The following WHRN variants were observed in gnomAD, a reference collection of about 807,000 sequenced individuals.
The protein encoded by WHRN is CASK-interacting protein CIP98.
In WHRN, 41 loss-of-function variants were observed where a neutral mutation model predicts 68.3. The observed-to-expected ratio is 0.60, with a 90% confidence interval of 0.47 to 0.78. The LOEUF (loss-of-function observed/expected upper bound fraction) is 0.78. Ranked by LOEUF, WHRN falls within the 30% of genes least tolerant of loss-of-function variation. The pLI is 0.00. For synonymous variants in WHRN, 560 were observed against 561.3 expected (o/e 1.00, Z 0.03); for missense variants, 1,243 against 1,244.7 (o/e 1.00, Z 0.02).
In WHRN at chr9:114,404,242, C is replaced by T. The variant is rs1834872209; in HGVS notation, c.2237-165G>A. ...TGGGGCCAGAGGGCAGGTCCACTCCCTGCCACCCTCTCCACCTACTCAAGA... is the reference window on the plus strand; with the variant it reads ...TGGGGCCAGAGGGCAGGTCCACTCCTTGCCACCCTCTCCACCTACTCAAGA... On this transcript the variant is annotated intron_variant, in intron 9 of 11. Coordinates refer to ENST00000362057, the MANE Select transcript of WHRN (RefSeq NM_015404.4). Among the ~76,000 whole-genome samples, 3 of 152,240 alleles carry T rather than the reference C, an allele frequency of 2.0e-5. No homozygotes were observed. The South Asian group carries it at 6.2e-4, about 31-fold the overall frequency.
Position 114,426,243 on chromosome 9 carries a change from G to A in WHRN, c.1134C>T (p.Ser378=), listed in dbSNP as rs1436219278. ...AGTTCGCCATGGTCTCCCTGATCCG[G>A]GAACTGGCGATCCACTTGGTCTCGT... is the stretch of plus-strand genomic sequence containing the variant. ...TVDETKWIAS[S]RIRETMANSA... The change falls in exon 4 of 12, where the codon TCC becomes TCT. Residue 378 remains serine (S), a synonymous_variant. Coordinates refer to ENST00000362057, the MANE Select transcript of WHRN (RefSeq NM_015404.4). 1 of 1,612,616 alleles carries A rather than the reference G, an allele frequency of 6.2e-7. No individual in the cohort carries two copies. Among genetic ancestry groups the A allele is most frequent in the Non-Finnish European group, 8.5e-7 (1 of 1,180,034 alleles).
At chr9:114,480,474 T>C (rs1004056970) in intron 1 of WHRN, among the ~76,000 whole-genome samples, 1 of 102,356 alleles carries the variant, frequency 9.8e-6, no homozygotes, top group African/African-American at 5.6e-5. Context: ...ATCAGTAGCT[T>C]TGTAGGAAGA....
chr9:114,485,702 A>T (rs1357353611), intron 1 of WHRN, among the ~76,000 whole-genome samples: 1 of 144,502 alleles, frequency 6.9e-6, no homozygotes, highest in African/African-American at 2.6e-5. Context: ...TAAATAAATA[A>T]GTATATAAAT....
At chr9:114,485,067 C>T (rs910474846) in intron 1 of WHRN, among the ~76,000 whole-genome samples, 4 of 152,126 alleles carry the variant, frequency 2.6e-5, no homozygotes, top group South Asian at 2.1e-4. Context: ...CTGAGGAGCA[C>T]GTGCAACAGA....
At chr9:114,409,092 C>G (rs1835243981) in intron 7 of WHRN, among the ~76,000 whole-genome samples, 1 of 152,220 alleles carries the variant, frequency 6.6e-6, no homozygotes, top group South Asian at 2.1e-4. Flanking sequence ...TTGCGTGGGC[C>G]AATCCCACAC....
intron 3 of WHRN, among the ~76,000 whole-genome samples, chr9:114,455,953 C>A (rs995817278): frequency 5.3e-5 from 8 of 151,920 alleles, no homozygotes; most frequent in African/African-American, 1.2e-4. Flanking sequence ...TAACACAAAG[C>A]CTGTTTCATA....
intron 3 of WHRN, among the ~76,000 whole-genome samples, chr9:114,430,678 T>C (rs1291243674): frequency 1.3e-5 from 2 of 152,206 alleles, no homozygotes; most frequent in Non-Finnish European, 2.9e-5. Flanking sequence ...TCATGCCTGT[T>C]AAGTAAATAT....
chr9:114,407,868 G>T, intron 8 of WHRN, 79 bp downstream of exon 8: 1 of 1,233,554 alleles, frequency 8.1e-7, no homozygotes, highest in Non-Finnish European at 1.2e-6. Flanking sequence ...TTTCTCCGTG[G>T]CTGTCATGGA....
chr9:114,460,385 T>C (rs1475660546), intron 3 of WHRN, among the ~76,000 whole-genome samples: 1 of 152,216 alleles, frequency 6.6e-6, no homozygotes, highest in African/African-American at 2.4e-5. Context: ...GAAATAAAAG[T>C]GTATCTAATG....
At chr9:114,419,917 C>A (rs1310600276) in intron 7 of WHRN, among the ~76,000 whole-genome samples, 1 of 152,098 alleles carries the variant, frequency 6.6e-6, no homozygotes, top group Admixed American at 6.5e-5. Flanking sequence ...CCAATAAGAA[C>A]CCCTGGTCCC....
At chr9:114,407,536 G>A (rs916207368) in intron 8 of WHRN, among the ~76,000 whole-genome samples, 4 of 152,152 alleles carry the variant, frequency 2.6e-5, no homozygotes, top group African/African-American at 9.7e-5. Context: ...GGTCAACACC[G>A]GACACCTGCA....
intron 3 of WHRN, among the ~76,000 whole-genome samples, chr9:114,464,319 C>T (rs7032589): frequency 0.98 from 149,567 of 152,324 alleles, 73,469 homozygotes; most frequent in East Asian, 1. Context: ...CAAAGTACCA[C>T]AGACTGGGTG....
chr9:114,444,330 T>A (rs528081992), intron 3 of WHRN, among the ~76,000 whole-genome samples: 1 of 152,118 alleles, frequency 6.6e-6, no homozygotes, highest in East Asian at 1.9e-4. Flanking sequence ...CAAAAAGAAT[T>A]TGAACCCCCT....
At chr9:114,467,256 A>C (rs1200927427) in intron 2 of WHRN, among the ~76,000 whole-genome samples, 3 of 151,950 alleles carry the variant, frequency 2.0e-5, no homozygotes, top group Non-Finnish European at 4.4e-5. Flanking sequence ...CTACATACAT[A>C]GGGTGCACCC....
intron 1 of WHRN, among the ~76,000 whole-genome samples, chr9:114,485,200 A>T (rs894013812): frequency 6.6e-6 from 1 of 152,244 alleles, no homozygotes; most frequent in Non-Finnish European, 1.5e-5. Context: ...AACAGGAAGG[A>T]GAACTGGTCT....
At chr9:114,473,152 G>A (rs973226626) in intron 2 of WHRN, among the ~76,000 whole-genome samples, 5 of 152,272 alleles carry the variant, frequency 3.3e-5, no homozygotes, top group South Asian at 2.1e-4. Flanking sequence ...GTAAGGGGCC[G>A]TGGGACAGGG....
Position 114,426,284 on chromosome 9 carries a change from C to G in WHRN, c.1093G>C (p.Ala365Pro). ...TVKDVGRLPH[A>P]RTTVDETKWI... ...TTGGTCTCGTCCACAGTGGTGCGGG[C>G]ATGGGGCAGCCTCCCGACGTCCTTC... The change falls in exon 4 of 12, where the codon GCC becomes CCC. Residue 365 changes from alanine to proline, a missense_variant. By Grantham distance (27) the Ala-to-Pro change is conservative. Transcript: ENST00000362057. The G allele has an allele frequency of 6.2e-7, 1 of 1,613,396 alleles. No homozygotes were observed. The highest frequency in any genetic ancestry group is 8.5e-7 in the Non-Finnish European group (1 of 1,180,036).
chr9:114,467,007 A>AG (rs1246970642), intron 2 of WHRN, among the ~76,000 whole-genome samples: 4 of 150,510 alleles, frequency 2.7e-5, no homozygotes, highest in Admixed American at 6.6e-5. Context: ...CTGTCACCCC[A>AG]GGGGTCTCCT....
At position 114,504,468 on chromosome 9, in the gene WHRN, C is replaced by T. The variant is rs765132708; in HGVS notation, c.334G>A (p.Glu112Lys). 1.9e-6 allele frequency: 3 copies of T among 1,607,958 alleles called. No individual in the cohort carries two copies. The South Asian group carries it at 3.3e-5, about 18-fold the overall frequency. Residue 112 changes from glutamate (E) to lysine (K), a missense_variant, in exon 1 of 12, where the codon GAG (glutamate) becomes AAG (lysine). By Grantham distance (56) the Glu-to-Lys change is moderately conservative (BLOSUM62 1). Coordinates refer to ENST00000362057, the MANE Select transcript of WHRN (RefSeq NM_015404.4). The part of the protein sequence containing the change: ...DQLLFDQYTA[E>K]GLYLPATTPY... ...GTGGTGGCGGGCAGGTAGAGGCCCTCGGCCGTGTATTGGTCGAAGAGCAGC... is the reference window on the plus strand; with the variant it reads ...GTGGTGGCGGGCAGGTAGAGGCCCTTGGCCGTGTATTGGTCGAAGAGCAGC...
Sources: allele counts gnomAD v4.1 joint callset (sites outside exome capture counted in the v4.1 genomes callset), GRCh38; gene constraint gnomAD v4.1.1; transcripts MANE v1.5; gene names NCBI Gene and HGNC (gene_info 2026-07-23, HGNC 2026-07-21).